EFCAB6: variants seen among roughly 807,000 people sequenced by gnomAD.
EFCAB6 encodes EF-hand calcium-binding domain-containing protein 6.
A neutral mutation model predicts 169.8 loss-of-function variants in EFCAB6; 156 were observed. The observed-to-expected ratio is 0.92, with a 90% CI of 0.81 to 1.05. The LOEUF (loss-of-function observed/expected upper bound fraction) is 1.05. Among genes scored for constraint, EFCAB6 ranks in the 50% least tolerant of loss-of-function variants. The probability of loss-of-function intolerance (pLI) is 0.00; values close to 1 mark genes in which losing one functional copy is unlikely to be tolerated. For missense variants in EFCAB6, 1,800 were observed against 1,829.1 expected (o/e 0.98, Z 0.29); for synonymous variants, 698 against 676.4 (o/e 1.03, Z -0.50).
In EFCAB6 at chr22:43,572,459, G is replaced by A. The variant is rs1037991552; in HGVS notation, c.3420+3838C>T. On this transcript the variant is annotated intron_variant, in intron 26 of 31. Coordinates refer to ENST00000262726, the MANE Select transcript of EFCAB6 (RefSeq NM_022785.4). This position sits in a 1 kb window ranked among gnomAD's most constrained non-coding sequence, Gnocchi z 4.0. ...GGTATCTTGCTATAGCTCCTGAGCA[G>A]CCTAAGACAGTCCCCATGTCACTCA... Among the ~76,000 whole-genome samples the A allele has an allele frequency of 2.0e-5, 3 of 152,156 alleles. No homozygotes were observed. The highest frequency in any genetic ancestry group is 4.4e-5 in the Non-Finnish European group (3 of 68,026).
At position 43,795,878 on chromosome 22, in the gene EFCAB6, C is replaced by T. The variant is rs957780316; in HGVS notation, c.-8+13117G>A. On this transcript the variant is annotated intron_variant, in intron 2 of 31. Transcript: ENST00000262726. The surrounding 1 kb of genome is among the most constrained non-coding windows in gnomAD (Gnocchi z 4.2). ...CACATACTCTCACCATACACAGTCACCACACACAATACACACTCACCACAC... is the reference window on the plus strand; with the variant it reads ...CACATACTCTCACCATACACAGTCATCACACACAATACACACTCACCACAC... Among the ~76,000 whole-genome samples the T allele has an allele frequency of 4.0e-5, 6 of 150,864 alleles. No homozygotes were observed. Among genetic ancestry groups the T allele is most frequent in the Admixed American group, 2.0e-4 (3 of 15,140 alleles).
At chr22:43,675,073 C>T (rs548492509) in intron 13 of EFCAB6, among the ~76,000 whole-genome samples, 14 of 151,552 alleles carry the variant, frequency 9.2e-5, no homozygotes, top group Non-Finnish European at 1.8e-4. Flanking sequence ...AACTGTCAGC[C>T]TATTCCAACG....
intron 26 of EFCAB6, 82 bp from the exon 27 acceptor site, chr22:43,555,178 T>G: frequency 6.9e-7 from 1 of 1,452,936 alleles, no homozygotes; most frequent in Non-Finnish European, 9.4e-7. Context: ...CAGGGCAAGT[T>G]GCAGGGAGAC....
intron 1 of EFCAB6, among the ~76,000 whole-genome samples, chr22:43,811,485 G>GAGAAA (rs2063126888): frequency 1.3e-5 from 2 of 152,164 alleles, no homozygotes; most frequent in Non-Finnish European, 2.9e-5. Flanking sequence ...AGAAAGGAAG[G>GAGAAA]GAGTAGAGAG....
intron 27 of EFCAB6, among the ~76,000 whole-genome samples, chr22:43,545,856 T>C (rs757171748): frequency 2.0e-5 from 3 of 152,164 alleles, no homozygotes; most frequent in Non-Finnish European, 4.4e-5. Context: ...ATCATCTTCG[T>C]AGACAATCAT....
chr22:43,697,026 T>C (rs911695406), intron 10 of EFCAB6, among the ~76,000 whole-genome samples: 1 of 152,148 alleles, frequency 6.6e-6, no homozygotes, highest in African/African-American at 2.4e-5. Context: ...TACAGGAAAC[T>C]TTCAAATGCA....
intron 26 of EFCAB6, among the ~76,000 whole-genome samples, chr22:43,561,082 G>C (rs933268137): frequency 2.0e-5 from 3 of 152,188 alleles, no homozygotes; most frequent in Non-Finnish European, 2.9e-5. Flanking sequence ...CTACAGGCTG[G>C]GTGCAGTGGC....
intron 9 of EFCAB6, among the ~76,000 whole-genome samples, chr22:43,714,324 T>A (rs1186928065): frequency 6.6e-6 from 1 of 151,676 alleles, no homozygotes; most frequent in Non-Finnish European, 1.5e-5. Context: ...GGGACTACTG[T>A]GGAAGGAAGG....
chr22:43,728,165 T>C (rs1405560368), intron 8 of EFCAB6, among the ~76,000 whole-genome samples: 1 of 152,170 alleles, frequency 6.6e-6, no homozygotes, highest in Non-Finnish European at 1.5e-5. Context: ...ATGCGGTGTT[T>C]GGTTTTCTGT....
chr22:43,740,091 G>A (rs1417163118), intron 6 of EFCAB6, among the ~76,000 whole-genome samples: 3 of 152,004 alleles, frequency 2.0e-5, no homozygotes, highest in East Asian at 3.9e-4. Context: ...AGGCGCTGGC[G>A]CTTGCTGCTC....
In EFCAB6 at chr22:43,718,134, A is replaced by G. The variant is rs185616770; in HGVS notation, c.758-1162T>C. On this transcript the variant is annotated intron_variant, in intron 8 of 31. Transcript: ENST00000262726. The stretch of plus-strand genomic sequence containing the variant: ...TGAGAGGATACTACACGAAAAAGAA[A>G]AAGTGGTAGGATTCAGGTAGTAGAA... 2.3e-3 allele frequency among the ~76,000 whole-genome samples: 348 copies of G among 152,316 alleles called. 2 individuals carry two copies. Among genetic ancestry groups the G allele is most frequent in the Non-Finnish European group, 1.1e-3 (74 of 68,028 alleles).
chr22:43,671,482 C>T (rs1308501431), intron 15 of EFCAB6, among the ~76,000 whole-genome samples: 1 of 152,196 alleles, frequency 6.6e-6, no homozygotes, highest in Non-Finnish European at 1.5e-5. Context: ...AACTCTTGCT[C>T]TATCAGAATG....
intron 17 of EFCAB6, among the ~76,000 whole-genome samples, chr22:43,665,632 C>G (rs533612675): frequency 6.6e-6 from 1 of 152,150 alleles, no homozygotes; most frequent in Non-Finnish European, 1.5e-5. Flanking sequence ...CAGATTGGCA[C>G]TCGTTTAGTT....
chr22:43,788,636 T>C (rs1033629527), intron 2 of EFCAB6, among the ~76,000 whole-genome samples: 1 of 152,204 alleles, frequency 6.6e-6, no homozygotes, highest in African/African-American at 2.4e-5. Context: ...GGTGAGAATG[T>C]AAAATGGTAC....
intron 10 of EFCAB6, among the ~76,000 whole-genome samples, chr22:43,693,895 A>G (rs2058488915): frequency 6.6e-6 from 1 of 152,068 alleles, no homozygotes; most frequent in Non-Finnish European, 1.5e-5. Context: ...CCTCAATGAA[A>G]TAAATAAAAA....
At chr22:43,530,560 G>A (rs537849659) in intron 31 of EFCAB6, 1 of 985,452 alleles carries the variant, frequency 1.0e-6, no homozygotes, top group African/African-American at 1.7e-5. Context: ...CACTGACCCT[G>A]AGGAGCTGGC....
intron 17 of EFCAB6, among the ~76,000 whole-genome samples, chr22:43,666,691 GT>G (rs137764): frequency 0.084 from 6,512 of 77,600 alleles, 110 homozygotes; most frequent in Middle Eastern, 0.11. Flanking sequence ...CTGCCAGATT[GT>G]TTTTTTTTTT....
intron 20 of EFCAB6, among the ~76,000 whole-genome samples, 164 bp from the exon 21 acceptor site, chr22:43,616,086 G>A (rs984421665): frequency 4.6e-5 from 7 of 152,150 alleles, no homozygotes; most frequent in African/African-American, 1.7e-4. Flanking sequence ...TATTTCTCCA[G>A]CTGCATGTCA....
Position 43,609,323 on chromosome 22 carries a change from G to A in EFCAB6, c.2563-723C>T, listed in dbSNP as rs145735494. On this transcript the variant is annotated intron_variant, in intron 21 of 31. Coordinates refer to ENST00000262726, the MANE Select transcript of EFCAB6 (RefSeq NM_022785.4). Reference sequence around the variant, plus strand: ...ACATTGTACTGCGGGGTCTCAGCCCGTTTAATCAGGCAAGAAAAAGGATAA... The same window carrying A: ...ACATTGTACTGCGGGGTCTCAGCCCATTTAATCAGGCAAGAAAAAGGATAA... 4.3e-3 allele frequency among the ~76,000 whole-genome samples: 659 copies of A among 152,234 alleles called. 2 individuals are homozygous for A. The highest frequency in any genetic ancestry group is 7.3e-3 in the Non-Finnish European group (497 of 68,020).
Sources: allele counts gnomAD v4.1 joint callset (sites outside exome capture counted in the v4.1 genomes callset), GRCh38; gene constraint gnomAD v4.1.1; non-coding constraint Gnocchi (gnomAD v3.1); transcripts MANE v1.5; gene names NCBI Gene and HGNC (gene_info 2026-07-23, HGNC 2026-07-21).